NCAM2: variants seen among roughly 807,000 people sequenced by gnomAD.
NCAM2 encodes the protein neural cell adhesion molecule 2, also known as N-CAM-2.
A neutral mutation model predicts 98.1 loss-of-function variants in NCAM2; 30 were observed. The ratio of observed to expected loss-of-function variants is 0.31; its 90% CI spans 0.23 to 0.41. The LOEUF (loss-of-function observed/expected upper bound fraction) is 0.41, where lower values mean the gene tolerates loss of function less well. Ranked by LOEUF, NCAM2 falls within the 10% of genes least tolerant of loss-of-function variation. The probability of loss-of-function intolerance (pLI) is 1.00; values close to 1 mark genes in which losing one functional copy is unlikely to be tolerated. For missense variants in NCAM2, 867 were observed against 1,005.8 expected, an observed-to-expected ratio of 0.86 and a Z score of 1.87; for synonymous variants, 368 against 342.4, an observed-to-expected ratio of 1.07 and a Z score of -0.83.
Position 21,523,601 on chromosome 21 carries a change from C to CTGTGTATA in NCAM2, c.2283-10935_2283-10934insGTGTATAT, listed in dbSNP as rs1989155058. On this transcript the variant is annotated intron_variant, in intron 16 of 17. Coordinates refer to ENST00000400546, the MANE Select transcript of NCAM2 (RefSeq NM_004540.5). ...TATTGTATTATATTATGTGTATATACTACGTATAAGATAAATGAATGGTAA... is the reference window on the plus strand; with the variant it reads ...TATTGTATTATATTATGTGTATATACTGTGTATATACGTATAAGATAAATGAATGGTAA... Among the ~76,000 whole-genome samples, 7 of 151,734 alleles carry CTGTGTATA rather than the reference C, an allele frequency of 4.6e-5. No homozygotes were observed. The South Asian group carries it at 1.5e-3, about 32-fold the overall frequency.
chr21:21,290,807 C>T (rs1449344296), intron 4 of NCAM2, among the ~76,000 whole-genome samples: 1 of 151,962 alleles, frequency 6.6e-6, no homozygotes, highest in South Asian at 2.1e-4. Context: ...TCTCCCCTCT[C>T]ATTAAGGAAC....
intron 12 of NCAM2, among the ~76,000 whole-genome samples, chr21:21,434,523 A>G (rs185705345): frequency 3.9e-5 from 6 of 152,296 alleles, no homozygotes; most frequent in Non-Finnish European, 8.8e-5. Context: ...CAGTTATGTA[A>G]TCAAACCACT....
At chr21:21,166,436 G>A (rs2067954796) in intron 1 of NCAM2, among the ~76,000 whole-genome samples, 1 of 151,730 alleles carries the variant, frequency 6.6e-6, no homozygotes, top group African/African-American at 2.4e-5. Flanking sequence ...TCGAACCCCT[G>A]ACCTCGTGAT....
chr21:21,293,418 A>T (rs1261639368), intron 5 of NCAM2, among the ~76,000 whole-genome samples: 9 of 151,802 alleles, frequency 5.9e-5, no homozygotes, highest in Non-Finnish European at 1.2e-4. Context: ...AGACAAAATC[A>T]AAACGACTTT....
intron 9 of NCAM2, among the ~76,000 whole-genome samples, chr21:21,397,116 T>A (rs1003153837): frequency 6.6e-6 from 1 of 152,190 alleles, no homozygotes; most frequent in Non-Finnish European, 1.5e-5. Context: ...CAGGTCATCC[T>A]GACATCTGTC....
chr21:21,366,749 G>A (rs1247407781), intron 8 of NCAM2, among the ~76,000 whole-genome samples: 1 of 152,110 alleles, frequency 6.6e-6, no homozygotes, highest in African/African-American at 2.4e-5. Context: ...CTAGAGAATA[G>A]TGTCATCAAA....
intron 1 of NCAM2, among the ~76,000 whole-genome samples, chr21:21,069,039 T>C (rs551650842): frequency 1.3e-5 from 2 of 152,292 alleles, no homozygotes; most frequent in South Asian, 2.1e-4. Context: ...AAACTGATTT[T>C]ATAAGATAAT....
chr21:21,212,707 T>G (rs954199978), intron 1 of NCAM2, among the ~76,000 whole-genome samples: 7 of 151,958 alleles, frequency 4.6e-5, no homozygotes, highest in Non-Finnish European at 1.0e-4. Context: ...CTATATTGCT[T>G]CTTATATTGG....
chr21:21,331,959 G>A (rs1439991680), intron 6 of NCAM2, among the ~76,000 whole-genome samples: 1 of 151,614 alleles, frequency 6.6e-6, no homozygotes, highest in East Asian at 2.0e-4. Flanking sequence ...CTGGAGTGCT[G>A]TGGTGTGATC....
chr21:21,220,124 AT>A (rs1326344481), intron 1 of NCAM2, among the ~76,000 whole-genome samples: 3 of 152,174 alleles, frequency 2.0e-5, no homozygotes, highest in African/African-American at 7.2e-5. Flanking sequence ...ACAATTAAAA[AT>A]AAAAATATTT....
At chr21:21,410,138 GA>G (rs112122491) in intron 9 of NCAM2, 135 bp from the exon 10 acceptor site, 42,167 of 431,856 alleles carry the variant, frequency 0.098, 768 homozygotes, top group East Asian at 0.22. Flanking sequence ...GTCTCAAAAA[GA>G]AAAAAAAAAA....
intron 9 of NCAM2, among the ~76,000 whole-genome samples, chr21:21,394,957 A>G (rs916857456): frequency 7.9e-5 from 12 of 152,092 alleles, no homozygotes; most frequent in Admixed American, 7.9e-4. Context: ...TTTTACTGTT[A>G]TTGACTGAAT....
chr21:21,055,413 C>G (rs1447390716), intron 1 of NCAM2, among the ~76,000 whole-genome samples: 1 of 151,984 alleles, frequency 6.6e-6, no homozygotes, highest in Non-Finnish European at 1.5e-5. Flanking sequence ...AAATAACAAA[C>G]AGAAAACTAC....
chr21:21,013,356 C>T (rs1014700756), intron 1 of NCAM2, among the ~76,000 whole-genome samples: 1 of 152,170 alleles, frequency 6.6e-6, no homozygotes, highest in Non-Finnish European at 1.5e-5. Context: ...GCAAACTAGC[C>T]ACAATATTCT....
At chr21:21,483,222 A>G (rs1218727683) in intron 15 of NCAM2, among the ~76,000 whole-genome samples, 1 of 152,054 alleles carries the variant, frequency 6.6e-6, no homozygotes, top group Non-Finnish European at 1.5e-5. Context: ...GACATGTCTA[A>G]TTTTAATATT....
At chr21:21,340,034 A>G (rs1984440652) in intron 8 of NCAM2, among the ~76,000 whole-genome samples, 1 of 151,898 alleles carries the variant, frequency 6.6e-6, no homozygotes, top group Non-Finnish European at 1.5e-5. Flanking sequence ...AAAATAATGT[A>G]TGTTACTATG....
intron 9 of NCAM2, among the ~76,000 whole-genome samples, chr21:21,375,844 T>G (rs1427845694): frequency 6.6e-6 from 1 of 151,846 alleles, no homozygotes; most frequent in Admixed American, 6.6e-5. Flanking sequence ...GGCAACATAT[T>G]ATCTTAATGA....
chr21:21,267,628 T>C (rs2072334114), intron 1 of NCAM2, among the ~76,000 whole-genome samples: 1 of 152,124 alleles, frequency 6.6e-6, no homozygotes, highest in Non-Finnish European at 1.5e-5. Flanking sequence ...CACTCAGAGG[T>C]GTACAAATAT....
intron 1 of NCAM2, among the ~76,000 whole-genome samples, chr21:21,050,635 A>T (rs2065089748): frequency 6.6e-6 from 1 of 152,158 alleles, no homozygotes; most frequent in African/African-American, 2.4e-5. Flanking sequence ...ATTCCCAACA[A>T]CACCTGTCAT....
Sources: gnomAD v4.1 joint callset for allele counts (sites outside exome capture counted in the v4.1 genomes callset) on GRCh38, gnomAD v4.1.1 for gene constraint, MANE v1.5 for transcripts, NCBI Gene and HGNC (gene_info 2026-07-23, HGNC 2026-07-21) for gene names.